TMEM117: variants seen among roughly 807,000 people sequenced by gnomAD.
TMEM117 encodes the protein transmembrane protein 117.
In TMEM117, 27 loss-of-function variants were observed where a neutral mutation model predicts 52.4. The ratio of observed to expected loss-of-function variants is 0.51; its 90% confidence interval spans 0.38 to 0.71. TMEM117 has a LOEUF of 0.71. Ranked by LOEUF, TMEM117 falls within the 30% of genes least tolerant of loss-of-function variation. The pLI, the probability that TMEM117 is intolerant of heterozygous loss-of-function variation, is 0.00. For synonymous variants in TMEM117, 215 were observed against 206.3 expected (o/e 1.04, Z -0.36); for missense variants, 556 against 630.5 (o/e 0.88, Z 1.26).
chr12:44,200,157 T>A (rs7295832), intron 4 of TMEM117, among the ~76,000 whole-genome samples: 36,840 of 151,842 alleles, frequency 0.24, 7,897 homozygotes, highest in African/African-American at 0.58. Flanking sequence ...AAAAACAAAA[T>A]AGAAACAAAA....
chr12:44,357,957 G>A (rs1204974113), intron 6 of TMEM117, among the ~76,000 whole-genome samples: 1 of 152,132 alleles, frequency 6.6e-6, no homozygotes, highest in African/African-American at 2.4e-5. Flanking sequence ...TAAAGAAAAT[G>A]TGGTACATTT....
At chr12:44,027,082 CTATTTTATTT>C (rs66667106) in intron 3 of TMEM117, among the ~76,000 whole-genome samples, 2,096 of 136,578 alleles carry the variant, frequency 0.015, 56 homozygotes, top group African/African-American at 0.057. Context: ...ATTTCTTAGC[CTATTTTATTT>C]TATTTTATTT....
intron 3 of TMEM117, among the ~76,000 whole-genome samples, chr12:43,946,415 C>A: frequency 8.1e-6 from 1 of 123,372 alleles, no homozygotes; most frequent in Non-Finnish European, 1.6e-5. Flanking sequence ...TTATCTAGAG[C>A]TAATGAGGTC....
the TMEM117 span, among the ~76,000 whole-genome samples, chr12:43,828,403 A>T: frequency 6.6e-6 from 1 of 152,222 alleles, no homozygotes; most frequent in Non-Finnish European, 1.5e-5. Context: ...TGTCTCAGGT[A>T]GCTCATTGGA....
intron 5 of TMEM117, among the ~76,000 whole-genome samples, chr12:44,296,001 G>A (rs1215082164): frequency 6.6e-6 from 1 of 152,112 alleles, no homozygotes; most frequent in Non-Finnish European, 1.5e-5. Flanking sequence ...TCTCCTGTAG[G>A]GTTCCCAGCC....
At chr12:43,805,729 T>C in the TMEM117 span, 1 of 1,187,234 alleles carries the variant, frequency 8.4e-7, no homozygotes, top group South Asian at 1.2e-5. Context: ...CGGGAGAGTT[T>C]TGGGAAGCAC....
chr12:44,040,813 G>GT (rs1318713092), intron 3 of TMEM117, among the ~76,000 whole-genome samples: 1 of 152,074 alleles, frequency 6.6e-6, no homozygotes, highest in African/African-American at 2.4e-5. Context: ...ATAAAAATTT[G>GT]TTTTTATTAT....
chr12:44,050,333 C>T (rs55641600), intron 3 of TMEM117, among the ~76,000 whole-genome samples: 14,535 of 152,120 alleles, frequency 0.096, 1,104 homozygotes, highest in African/African-American at 0.2. Flanking sequence ...TGTACCACCA[C>T]GCCTGGCTAA....
At chr12:44,190,758 A>G (rs112907584) in intron 4 of TMEM117, among the ~76,000 whole-genome samples, 3 of 152,026 alleles carry the variant, frequency 2.0e-5, no homozygotes, top group African/African-American at 7.2e-5. Flanking sequence ...ATCTGTATTT[A>G]TCCCAACAAG....
chr12:44,227,478 A>G (rs771457149), intron 5 of TMEM117, among the ~76,000 whole-genome samples: 1 of 152,082 alleles, frequency 6.6e-6, no homozygotes, highest in South Asian at 2.1e-4. Context: ...TATGTAGTCT[A>G]TTACACTTAC....
chr12:43,802,608 A>G, the TMEM117 span: 1 of 620,742 alleles, frequency 1.6e-6, no homozygotes, highest in South Asian at 2.2e-5. Context: ...ATGTGGTAAC[A>G]TAGAAAGTAA....
At chr12:43,853,688 A>G (rs1943350552) in intron 2 of TMEM117, among the ~76,000 whole-genome samples, 1 of 152,234 alleles carries the variant, frequency 6.6e-6, no homozygotes, top group Non-Finnish European at 1.5e-5. Flanking sequence ...AAGACAAGAT[A>G]TATATGCATG....
chr12:44,388,018 T>C lies in TMEM117; in HGVS notation c.899-8T>C. On this transcript the variant is annotated splice_polypyrimidine_tract_variant and splice_region_variant and intron_variant, in intron 7 of 7. Transcript: ENST00000266534. ...TTTGATTAATGCAGTATTTCTTTTT[T>C]AATGCAGGCAAATGGTTTAACTATG... The C allele has an allele frequency of 6.3e-7, 1 of 1,594,494 alleles. No homozygotes were observed. Among genetic ancestry groups the C allele is most frequent in the Non-Finnish European group, 8.5e-7 (1 of 1,171,554 alleles).
At chr12:44,277,533 T>A (rs921066746) in intron 5 of TMEM117, among the ~76,000 whole-genome samples, 1 of 152,168 alleles carries the variant, frequency 6.6e-6, no homozygotes, top group Non-Finnish European at 1.5e-5. Context: ...AATACATTTT[T>A]ATCTTGAGCT....
intron 2 of TMEM117, among the ~76,000 whole-genome samples, chr12:43,919,117 T>C (rs1355534983): frequency 6.6e-6 from 1 of 152,176 alleles, no homozygotes; most frequent in African/African-American, 2.4e-5. Context: ...TCCACTCTCT[T>C]TTTAAAAATT....
chr12:44,339,722 C>T (rs548228930), intron 6 of TMEM117, among the ~76,000 whole-genome samples: 1 of 151,880 alleles, frequency 6.6e-6, no homozygotes, highest in South Asian at 2.1e-4. Flanking sequence ...TGAAAAAGCC[C>T]TTAAAAATTT....
chr12:43,813,092 G>A, the TMEM117 span, among the ~76,000 whole-genome samples: 10 of 151,782 alleles, frequency 6.6e-5, no homozygotes, highest in South Asian at 1.7e-3. Context: ...AGGCTCCCAA[G>A]AGCACTTTTC....
At chr12:43,856,584 C>G (rs1007412554) in intron 2 of TMEM117, among the ~76,000 whole-genome samples, 1 of 152,122 alleles carries the variant, frequency 6.6e-6, no homozygotes, top group African/African-American at 2.4e-5. Context: ...TTTGCATTGT[C>G]TAGAATTTTA....
chr12:43,835,918 T>G (rs1943017605), upstream of TMEM117: 2 of 151,780 alleles, frequency 1.3e-5, no homozygotes, highest in Non-Finnish European at 2.9e-5. Flanking sequence ...CGCGGTCACC[T>G]GCGCGGCGCC....
Sources: allele counts gnomAD v4.1 joint callset (sites outside exome capture counted in the v4.1 genomes callset), GRCh38; gene constraint gnomAD v4.1.1; transcripts MANE v1.5; gene names NCBI Gene and HGNC (gene_info 2026-07-23, HGNC 2026-07-21).